XPO6: variants seen among roughly 807,000 people sequenced by gnomAD.
XPO6 encodes the protein exportin 6, also known as exportin-6.
In XPO6, 3 loss-of-function variants were observed where a neutral mutation model predicts 130.0. The ratio of observed to expected loss-of-function variants is 0.02; its 90% CI spans 0.01 to 0.06. The LOEUF is 0.06. XPO6 is among the 10% of genes least tolerant of loss of function. The pLI is 1.00. For missense variants in XPO6, 970 were observed against 1,393.0 expected, an observed-to-expected ratio of 0.70 and a Z score of 4.83; for synonymous variants, 524 against 548.9, an observed-to-expected ratio of 0.95 and a Z score of 0.63.
intron 1 of XPO6, among the ~76,000 whole-genome samples, chr16:28,187,456 C>T (rs933069739): frequency 1.3e-4 from 20 of 152,046 alleles, no homozygotes; most frequent in African/African-American, 4.6e-4. Context: ...TCCAAATGTG[C>T]AGCTTGACCT....
At chr16:28,115,968 T>C (rs1277903486) in intron 15 of XPO6, among the ~76,000 whole-genome samples, 1 of 152,228 alleles carries the variant, frequency 6.6e-6, no homozygotes, top group Non-Finnish European at 1.5e-5. Flanking sequence ...CTTCACAGAA[T>C]TGAAGGGCCT....
chr16:28,105,857 T>A, intron 20 of XPO6, 186 bp downstream of exon 20: 1 of 845,804 alleles, frequency 1.2e-6, no homozygotes. Flanking sequence ...CTAGCTCCAA[T>A]GAACTCAATC....
intron 6 of XPO6, among the ~76,000 whole-genome samples, chr16:28,160,754 C>T (rs878974475): frequency 1.3e-5 from 2 of 151,916 alleles, no homozygotes; most frequent in Non-Finnish European, 2.9e-5. Context: ...CTAAGCATCC[C>T]GAAGAGAAAG....
rs1205540063 is a variant in XPO6, at chr16:28,125,865, C to T, written c.1607-17G>A. The T allele has an allele frequency of 1.2e-6, 2 of 1,608,606 alleles. No individual in the cohort carries two copies. The highest frequency in any genetic ancestry group is 1.3e-5 in the African/African-American group (1 of 74,910). On this transcript the variant is annotated splice_polypyrimidine_tract_variant and intron_variant, in intron 12 of 23. Coordinates refer to ENST00000304658, the MANE Select transcript of XPO6 (RefSeq NM_015171.4). Reference sequence around the variant, plus strand: ...ACCTGTGTCCTGGAACACAACACGCCAGACAGTTTTTCACAGGAAGACCAC... The same window carrying T: ...ACCTGTGTCCTGGAACACAACACGCTAGACAGTTTTTCACAGGAAGACCAC...
chr16:28,148,206 A>C (rs574300693), intron 8 of XPO6, among the ~76,000 whole-genome samples: 1 of 152,336 alleles, frequency 6.6e-6, no homozygotes, highest in East Asian at 1.9e-4. Context: ...ATAATTATAC[A>C]TATAAACTTC....
intron 4 of XPO6, among the ~76,000 whole-genome samples, chr16:28,174,394 T>A (rs955241462): frequency 6.6e-6 from 1 of 152,186 alleles, no homozygotes; most frequent in Non-Finnish European, 1.5e-5. Context: ...GTTCTCATCA[T>A]ACTTATAAAT....
At chr16:28,138,276 T>C (rs2042820098) in intron 9 of XPO6, among the ~76,000 whole-genome samples, 1 of 152,180 alleles carries the variant, frequency 6.6e-6, no homozygotes, top group Non-Finnish European at 1.5e-5. Flanking sequence ...TATAAATTGC[T>C]GTGACAGATC....
intron 17 of XPO6, among the ~76,000 whole-genome samples, chr16:28,109,736 C>A (rs1202525677): frequency 2.6e-5 from 4 of 152,134 alleles, no homozygotes; most frequent in Non-Finnish European, 5.9e-5. Context: ...TAAAACTATC[C>A]TAGATTACAT....
At chr16:28,195,387 C>A (rs1050641325) in intron 1 of XPO6, among the ~76,000 whole-genome samples, 1 of 152,142 alleles carries the variant, frequency 6.6e-6, no homozygotes, top group Non-Finnish European at 1.5e-5. Flanking sequence ...AGTGAATAAG[C>A]TCTATACATA....
At chr16:28,211,272 T>C (rs1010082214) in intron 1 of XPO6, 94 bp downstream of exon 1, 8 of 1,232,432 alleles carry the variant, frequency 6.5e-6, no homozygotes, top group Non-Finnish European at 6.2e-6. Flanking sequence ...CTCCCCGCCA[T>C]GGGGAGAGCA....
intron 9 of XPO6, among the ~76,000 whole-genome samples, chr16:28,145,356 CCTCTT>C (rs1259901389): frequency 6.6e-6 from 1 of 152,154 alleles, no homozygotes; most frequent in Non-Finnish European, 1.5e-5. Context: ...ACCTTCCCCT[CCTCTT>C]CTCCCCACCC....
At chr16:28,204,442 C>G (rs1438433094) in intron 1 of XPO6, among the ~76,000 whole-genome samples, 1 of 151,754 alleles carries the variant, frequency 6.6e-6, no homozygotes, top group Non-Finnish European at 1.5e-5. Flanking sequence ...GGCAGGGAGC[C>G]AGGCCAAAGG....
At chr16:28,197,135 C>G (rs1173467916) in intron 1 of XPO6, among the ~76,000 whole-genome samples, 1 of 151,944 alleles carries the variant, frequency 6.6e-6, no homozygotes, top group Non-Finnish European at 1.5e-5. Flanking sequence ...ACCTGTAATC[C>G]CAGCTACTCG....
intron 8 of XPO6, among the ~76,000 whole-genome samples, chr16:28,148,367 T>C (rs2043022037): frequency 6.6e-6 from 1 of 152,216 alleles, no homozygotes; most frequent in African/African-American, 2.4e-5. Flanking sequence ...GCCCATGACC[T>C]GGCCTCTGAT....
Position 28,181,185 on chromosome 16 carries a change from C to A in XPO6, c.4-154G>T, listed in dbSNP as rs2043608900. On this transcript the variant is annotated intron_variant, in intron 1 of 23. Transcript: ENST00000304658. ...AATGCATGGTATATGCCAGAAAAAA[C>A]TGAAGGGAATTTCCCAGCTGGCTCA... is the stretch of plus-strand genomic sequence containing the variant. 5.8e-6 allele frequency: 3 copies of A among 520,182 alleles called. No individual in the cohort carries two copies. The African/African-American group carries it at 5.9e-5, about 10-fold the overall frequency. The allele number at this position is 520,182 out of a possible 1,614,324, so 32.2% of individuals were successfully genotyped here. A position where few individuals can be genotyped will look rare whatever the true frequency, so the allele number is the denominator to read the frequency against.
intron 1 of XPO6, among the ~76,000 whole-genome samples, chr16:28,204,154 C>T (rs1173700280): frequency 3.3e-5 from 5 of 152,152 alleles, no homozygotes; most frequent in African/African-American, 1.2e-4. Flanking sequence ...TTGCTCTAGA[C>T]TCTTGGGATA....
At chr16:28,207,333 T>C (rs867465894) in intron 1 of XPO6, among the ~76,000 whole-genome samples, 2 of 151,770 alleles carry the variant, frequency 1.3e-5, no homozygotes, top group Non-Finnish European at 1.5e-5. Flanking sequence ...GAAATGCTAA[T>C]ATAAGCAAAA....
chr16:28,165,707 G>A (rs2043346535), intron 6 of XPO6, among the ~76,000 whole-genome samples: 1 of 152,188 alleles, frequency 6.6e-6, no homozygotes, highest in Non-Finnish European at 1.5e-5. Flanking sequence ...AAATAAAGGA[G>A]AAGATGTGGA....
intron 10 of XPO6, 112 bp downstream of exon 10, chr16:28,135,104 A>G: frequency 1.3e-6 from 1 of 774,398 alleles, no homozygotes; most frequent in East Asian, 2.6e-5. Context: ...CCAGAAGACT[A>G]CTCTGGTTTC....
Sources: gnomAD v4.1 joint callset for allele counts (sites outside exome capture counted in the v4.1 genomes callset) on GRCh38, gnomAD v4.1.1 for gene constraint, MANE v1.5 for transcripts, NCBI Gene and HGNC (gene_info 2026-07-23, HGNC 2026-07-21) for gene names.